ANKS1B: variants seen among roughly 807,000 people sequenced by gnomAD.
ANKS1B encodes ankyrin repeat and sterile alpha motif domain containing 1B, also known as ankyrin repeat and sterile alpha motif domain-containing protein 1B.
In ANKS1B, 36 loss-of-function variants were observed where a neutral mutation model predicts 148.3. The ratio of observed to expected loss-of-function variants is 0.24; its 90% CI spans 0.19 to 0.32. The LOEUF (loss-of-function observed/expected upper bound fraction) is 0.32. ANKS1B is among the 10% of genes least tolerant of loss of function. ANKS1B has a pLI of 1.00. For missense variants in ANKS1B, 1,157 were observed against 1,542.6 expected (o/e 0.75, Z 4.19); for synonymous variants, 542 against 560.8 (o/e 0.97, Z 0.47).
chr12:99,124,861 G>A (rs1195830507), intron 15 of ANKS1B, among the ~76,000 whole-genome samples: 1 of 152,154 alleles, frequency 6.6e-6, no homozygotes, highest in Non-Finnish European at 1.5e-5. Flanking sequence ...GCTGATGATA[G>A]GTCATATAAA....
intron 11 of ANKS1B, among the ~76,000 whole-genome samples, chr12:99,422,787 A>G (rs1234781278): frequency 6.6e-6 from 1 of 152,190 alleles, no homozygotes; most frequent in East Asian, 1.9e-4. Flanking sequence ...AGTACATTAA[A>G]ATGCTGATGG....
intron 10 of ANKS1B, among the ~76,000 whole-genome samples, chr12:99,490,914 A>G (rs1276698928): frequency 6.6e-6 from 1 of 152,252 alleles, no homozygotes; most frequent in Non-Finnish European, 1.5e-5. Context: ...AGCATTACGT[A>G]AGATTGTAAG....
At chr12:98,789,511 T>G (rs1293799637) in intron 22 of ANKS1B, among the ~76,000 whole-genome samples, 1 of 152,114 alleles carries the variant, frequency 6.6e-6, no homozygotes, top group African/African-American at 2.4e-5. Flanking sequence ...CATGGGCTTG[T>G]GTACTGCCCC....
chr12:99,557,361 A>G (rs1030678927), intron 9 of ANKS1B, among the ~76,000 whole-genome samples: 7 of 151,918 alleles, frequency 4.6e-5, no homozygotes, highest in Non-Finnish European at 1.0e-4. Flanking sequence ...CATTTTTTTA[A>G]TTCTTTTTTC....
intron 14 of ANKS1B, among the ~76,000 whole-genome samples, chr12:99,159,467 G>T (rs1471293339): frequency 6.6e-6 from 1 of 152,102 alleles, no homozygotes; most frequent in African/African-American, 2.4e-5. Flanking sequence ...TTATAAGTGA[G>T]AACATACAGT....
At chr12:99,642,041 T>G (rs1303608314) in intron 9 of ANKS1B, among the ~76,000 whole-genome samples, 1 of 152,198 alleles carries the variant, frequency 6.6e-6, no homozygotes, top group East Asian at 1.9e-4. Context: ...TGGAATGTGG[T>G]AGGTACTCAA....
chr12:98,975,949 T>A (rs1284499173), intron 17 of ANKS1B, among the ~76,000 whole-genome samples: 2 of 152,172 alleles, frequency 1.3e-5, no homozygotes, highest in Non-Finnish European at 1.5e-5. Flanking sequence ...CCAAACCACG[T>A]GCTGAGTAAT....
chr12:99,632,149 G>A (rs563144895), intron 9 of ANKS1B, among the ~76,000 whole-genome samples: 5 of 152,166 alleles, frequency 3.3e-5, no homozygotes, highest in Non-Finnish European at 7.3e-5. Flanking sequence ...CCCAGCCATG[G>A]CTTAAGTGGT....
At chr12:99,582,348 T>A (rs787417) in intron 9 of ANKS1B, among the ~76,000 whole-genome samples, 52,407 of 149,154 alleles carry the variant, frequency 0.35, 10,699 homozygotes, top group African/African-American at 0.57. Flanking sequence ...AGGTATTTTT[T>A]AAAAAAAAAA....
chr12:98,795,105 C>T lies in ANKS1B; in HGVS notation c.3342+3829G>A, dbSNP rs995337909. On this transcript the variant is annotated intron_variant, in intron 22 of 26. Coordinates refer to ENST00000683438, the MANE Select transcript of ANKS1B (RefSeq NM_001352186.2). Reference sequence around the variant, plus strand: ...ATTAAAATATATTTTTCCTACCTTGCCATCTAATGGCACTAGGCAGCATTT... The same window carrying T: ...ATTAAAATATATTTTTCCTACCTTGTCATCTAATGGCACTAGGCAGCATTT... 3 of 554,984 alleles carry T rather than the reference C, an allele frequency of 5.4e-6. No individual in the cohort carries two copies. In the African/African-American group the frequency reaches 5.7e-5, roughly 11 times the overall value. The allele number at this position is 554,984 out of a possible 1,614,324, so 34.4% of individuals were successfully genotyped here.
chr12:99,339,482 T>C (rs2089539837), intron 12 of ANKS1B, among the ~76,000 whole-genome samples: 1 of 152,150 alleles, frequency 6.6e-6, no homozygotes, highest in African/African-American at 2.4e-5. Flanking sequence ...CCAGGTACTG[T>C]GATTGCTCAC....
intron 24 of ANKS1B, among the ~76,000 whole-genome samples, chr12:98,776,655 C>T (rs1034157571): frequency 6.6e-6 from 1 of 152,192 alleles, no homozygotes; most frequent in African/African-American, 2.4e-5. Flanking sequence ...GCTTAGAAAT[C>T]TGCCTCTCGC....
At chr12:99,024,350 T>C (rs2099947515) in intron 17 of ANKS1B, among the ~76,000 whole-genome samples, 1 of 152,216 alleles carries the variant, frequency 6.6e-6, no homozygotes, top group Admixed American at 6.6e-5. Flanking sequence ...TTCTAACTGC[T>C]GCATCTTAAT....
intron 22 of ANKS1B, among the ~76,000 whole-genome samples, chr12:98,790,624 G>A (rs1228634151): frequency 3.3e-5 from 5 of 151,544 alleles, no homozygotes; most frequent in Admixed American, 3.3e-4. Flanking sequence ...TGCTCGGCCA[G>A]CTGTTATTGT....
At chr12:99,074,773 G>A (rs2047317395) in intron 16 of ANKS1B, among the ~76,000 whole-genome samples, 1 of 152,160 alleles carries the variant, frequency 6.6e-6, no homozygotes, top group African/African-American at 2.4e-5. Flanking sequence ...ATCCTAACCT[G>A]ACCCATTCAG....
intron 9 of ANKS1B, among the ~76,000 whole-genome samples, chr12:99,544,937 T>G (rs1231627597): frequency 5.9e-5 from 9 of 152,172 alleles, no homozygotes; most frequent in African/African-American, 1.9e-4. Flanking sequence ...TGTCTAATTA[T>G]TGGATTATTC....
intron 17 of ANKS1B, among the ~76,000 whole-genome samples, chr12:99,002,542 T>C (rs2099933680): frequency 6.6e-6 from 1 of 151,866 alleles, no homozygotes; most frequent in Admixed American, 6.6e-5. Flanking sequence ...TCCTAATAGA[T>C]GTGAGGTGAT....
intron 11 of ANKS1B, among the ~76,000 whole-genome samples, chr12:99,421,611 C>T (rs1296911709): frequency 6.6e-6 from 1 of 151,898 alleles, no homozygotes; most frequent in African/African-American, 2.4e-5. Flanking sequence ...GTTAAAGAGC[C>T]CCTGTGGTGA....
At chr12:99,482,475 T>C (rs2096427222) in intron 10 of ANKS1B, among the ~76,000 whole-genome samples, 1 of 152,092 alleles carries the variant, frequency 6.6e-6, no homozygotes, top group South Asian at 2.1e-4. Flanking sequence ...GCCTCCAGAT[T>C]TGTTCTTTTT....
Sources: gnomAD v4.1 joint callset for allele counts (sites outside exome capture counted in the v4.1 genomes callset) on GRCh38, gnomAD v4.1.1 for gene constraint, MANE v1.5 for transcripts, NCBI Gene and HGNC (gene_info 2026-07-23, HGNC 2026-07-21) for gene names.